The following L3MBTL4 variants were observed in gnomAD, a reference collection of about 807,000 sequenced individuals.
L3MBTL4 encodes the protein lethal(3)malignant brain tumor-like protein 4.
A neutral mutation model predicts 84.5 loss-of-function variants in L3MBTL4; 70 were observed. That is an observed-to-expected ratio of 0.83 (90% CI 0.68 to 1.01). L3MBTL4 has a LOEUF of 1.01. Among genes scored for constraint, L3MBTL4 ranks in the 50% least tolerant of loss-of-function variants. L3MBTL4 has a pLI of 0.00. For synonymous variants in L3MBTL4, 274 were observed against 259.8 expected (o/e 1.05, Z -0.52); for missense variants, 715 against 754.8 (o/e 0.95, Z 0.62).
intron 15 of L3MBTL4, among the ~76,000 whole-genome samples, chr18:6,086,848 T>C (rs2058275659): frequency 6.6e-6 from 1 of 152,164 alleles, no homozygotes; most frequent in South Asian, 2.1e-4. Flanking sequence ...AAGATGGAAC[T>C]GGTTTGCTCA....
chr18:6,027,678 C>T (rs937193436), intron 16 of L3MBTL4, among the ~76,000 whole-genome samples: 7 of 152,210 alleles, frequency 4.6e-5, no homozygotes, highest in Non-Finnish European at 1.0e-4. Flanking sequence ...TCCTATTTCT[C>T]CACAGCCTCT....
intron 14 of L3MBTL4, among the ~76,000 whole-genome samples, chr18:6,098,397 G>A (rs1435135059): frequency 1.3e-5 from 2 of 152,128 alleles, no homozygotes; most frequent in South Asian, 2.1e-4. Context: ...GTTCCCAAAC[G>A]CCAATGGTCA....
chr18:6,177,951 C>A (rs2044297900), intron 12 of L3MBTL4, among the ~76,000 whole-genome samples: 1 of 152,074 alleles, frequency 6.6e-6, no homozygotes, highest in Admixed American at 6.6e-5. Flanking sequence ...TTTTATGTTT[C>A]AAAAGCAAGG....
intron 16 of L3MBTL4, chr18:6,029,907 T>C (rs2055701571): frequency 4.1e-6 from 4 of 985,282 alleles, no homozygotes; most frequent in Admixed American, 6.2e-5. Context: ...GCATGAGTGA[T>C]GAGTACAGAA....
chr18:6,223,631 T>A (rs2046655782), intron 10 of L3MBTL4, among the ~76,000 whole-genome samples: 1 of 152,214 alleles, frequency 6.6e-6, no homozygotes, highest in African/African-American at 2.4e-5. Context: ...AGATGATGGC[T>A]TTTCCTCTTG....
intron 15 of L3MBTL4, 133 bp downstream of exon 15, chr18:6,093,222 G>T: frequency 1.5e-6 from 1 of 688,114 alleles, no homozygotes; most frequent in Non-Finnish European, 2.3e-6. Context: ...TCAGCCCAGC[G>T]AACCTAATAA....
chr18:6,121,555 T>C (rs1329250364), intron 14 of L3MBTL4, among the ~76,000 whole-genome samples: 2 of 152,210 alleles, frequency 1.3e-5, no homozygotes, highest in Non-Finnish European at 2.9e-5. Context: ...GATTTGCAAG[T>C]TTCTTATTGA....
At chr18:6,303,028 G>A (rs950283405) in intron 3 of L3MBTL4, among the ~76,000 whole-genome samples, 2 of 152,008 alleles carry the variant, frequency 1.3e-5, no homozygotes, top group Non-Finnish European at 2.9e-5. Flanking sequence ...TTAAAAATTG[G>A]GAACGGAATT....
intron 16 of L3MBTL4, among the ~76,000 whole-genome samples, chr18:6,012,476 C>T (rs1598431160): frequency 6.6e-6 from 1 of 152,038 alleles, no homozygotes; most frequent in Admixed American, 6.5e-5. Flanking sequence ...CAGGATTAAC[C>T]ATGTTTCTCT....
At chr18:6,023,903 T>A (rs367962177) in intron 16 of L3MBTL4, among the ~76,000 whole-genome samples, 5 of 152,220 alleles carry the variant, frequency 3.3e-5, no homozygotes, top group Non-Finnish European at 7.3e-5. Flanking sequence ...TGCAACAAAA[T>A]GCCTGTGCGA....
At chr18:6,398,585 C>A (rs1309165179) in intron 1 of L3MBTL4, among the ~76,000 whole-genome samples, 1 of 152,190 alleles carries the variant, frequency 6.6e-6, no homozygotes, top group Admixed American at 6.5e-5. Context: ...CTCTGTCTGA[C>A]TTCCTCGCCT....
chr18:6,143,251 C>A (rs1374997389), intron 13 of L3MBTL4, among the ~76,000 whole-genome samples: 2 of 152,136 alleles, frequency 1.3e-5, no homozygotes, highest in Non-Finnish European at 2.9e-5. Context: ...ATCTCCATAT[C>A]CCTGATAGGT....
intron 14 of L3MBTL4, among the ~76,000 whole-genome samples, chr18:6,129,867 A>G (rs1598847978): frequency 6.6e-6 from 1 of 152,094 alleles, no homozygotes; most frequent in East Asian, 1.9e-4. Flanking sequence ...AACTTGATGT[A>G]TATCTTTAGT....
rs1425581317 is a variant in L3MBTL4, at chr18:5,955,919, G to C, written c.*301C>G. ...TGGTTTCTTTTCTGGTGACGGAGAA[G>C]AATAAAGGTGGATGTGTGGGCTTCT... On this transcript the variant is annotated 3_prime_UTR_variant, in exon 19 of 19. Transcript: ENST00000317931. The C allele has an allele frequency of 3.9e-6, 1 of 257,394 alleles. No individual in the cohort carries two copies. The highest frequency in any genetic ancestry group is 7.3e-6 in the Non-Finnish European group (1 of 136,758). 15.9% of individuals were successfully genotyped at this position (257,394 alleles called of 1,614,324 possible).
intron 1 of L3MBTL4, among the ~76,000 whole-genome samples, chr18:6,389,612 T>C (rs1365840106): frequency 6.6e-6 from 1 of 152,098 alleles, no homozygotes; most frequent in African/African-American, 2.4e-5. Context: ...GAAACAAATA[T>C]TCCATGCAAA....
intron 17 of L3MBTL4, 121 bp downstream of exon 17, chr18:5,969,272 T>A (rs1180953565): frequency 2.4e-5 from 26 of 1,063,300 alleles, no homozygotes; most frequent in Non-Finnish European, 3.5e-5. Context: ...ACATGGCAGA[T>A]GCGATGCCTA....
intron 10 of L3MBTL4, among the ~76,000 whole-genome samples, chr18:6,228,433 T>G (rs181265095): frequency 6.6e-6 from 1 of 152,256 alleles, no homozygotes; most frequent in East Asian, 1.9e-4. Context: ...TTTTGAACAA[T>G]ATTGTTCAGA....
chr18:6,290,274 G>GTT (rs75169205), intron 4 of L3MBTL4, among the ~76,000 whole-genome samples: 6 of 140,698 alleles, frequency 4.3e-5, no homozygotes, highest in African/African-American at 1.6e-4. Context: ...CTGCAGAAGG[G>GTT]TTTTTTTTTT....
chr18:6,088,782 C>G (rs2058343584), intron 15 of L3MBTL4, among the ~76,000 whole-genome samples: 1 of 152,158 alleles, frequency 6.6e-6, no homozygotes, highest in South Asian at 2.1e-4. Flanking sequence ...CCAAAATAAA[C>G]TAGTTGGCTC....
Sources: gnomAD v4.1 joint callset for allele counts (sites outside exome capture counted in the v4.1 genomes callset) on GRCh38, gnomAD v4.1.1 for gene constraint, MANE v1.5 for transcripts, NCBI Gene and HGNC (gene_info 2026-07-23, HGNC 2026-07-21) for gene names.